FBXL17: variants seen among roughly 807,000 people sequenced by gnomAD.
FBXL17 encodes the protein F-box/LRR-repeat protein 17.
Under a neutral mutation model 66.2 loss-of-function variants are expected in FBXL17, and 22 were observed. The ratio of observed to expected loss-of-function variants is 0.33; its 90% confidence interval spans 0.24 to 0.47. The LOEUF is 0.47. Among genes scored for constraint, FBXL17 ranks in the 20% least tolerant of loss-of-function variants. The probability of loss-of-function intolerance (pLI) is 1.00; values close to 1 mark genes in which losing one functional copy is unlikely to be tolerated. For missense variants in FBXL17, 878 were observed against 948.2 expected (o/e 0.93, Z 0.97); for synonymous variants, 474 against 400.5 (o/e 1.18, Z -2.19).
intron 4 of FBXL17, among the ~76,000 whole-genome samples, chr5:108,311,838 GAGA>G (rs1363668504): frequency 1.3e-5 from 2 of 152,202 alleles, no homozygotes; most frequent in African/African-American, 2.4e-5. Flanking sequence ...ACCAATGAAA[GAGA>G]AGAAGAGAGA....
intron 4 of FBXL17, among the ~76,000 whole-genome samples, chr5:108,233,795 CAAGATCCT>C (rs1437883443): frequency 6.6e-6 from 1 of 152,162 alleles, no homozygotes; most frequent in Non-Finnish European, 1.5e-5. Flanking sequence ...CAACACACAT[CAAGATCCT>C]AGTAAAGCTT....
At chr5:108,284,010 T>C (rs776841523) in intron 4 of FBXL17, among the ~76,000 whole-genome samples, 2 of 151,734 alleles carry the variant, frequency 1.3e-5, no homozygotes, top group Admixed American at 6.6e-5. Flanking sequence ...CCAGGCAAAA[T>C]AGTTATTATC....
chr5:108,272,721 G>C (rs979624608), intron 4 of FBXL17, among the ~76,000 whole-genome samples: 1 of 151,924 alleles, frequency 6.6e-6, no homozygotes. Flanking sequence ...ATTTAACTTA[G>C]GATAAAATCA....
chr5:107,882,644 G>T (rs1748831592), intron 7 of FBXL17, among the ~76,000 whole-genome samples: 3 of 152,116 alleles, frequency 2.0e-5, no homozygotes, highest in African/African-American at 7.2e-5. Flanking sequence ...TTGTATAGAA[G>T]GAGCAACATC....
intron 5 of FBXL17, among the ~76,000 whole-genome samples, chr5:108,201,297 C>T (rs923070943): frequency 6.6e-6 from 1 of 152,096 alleles, no homozygotes; most frequent in Non-Finnish European, 1.5e-5. Flanking sequence ...TGATTAACAA[C>T]TGGCGCAGTG....
chr5:108,251,303 T>C (rs2150113472), intron 4 of FBXL17, among the ~76,000 whole-genome samples: 1 of 152,202 alleles, frequency 6.6e-6, no homozygotes, highest in Middle Eastern at 3.4e-3. Flanking sequence ...AATGAGGTTT[T>C]TGCTTGGAGT....
Position 108,381,230 on chromosome 5 carries a change from C to T in FBXL17, c.462G>A (p.Gln154=). The change falls in exon 1 of 9, where the codon CAG becomes CAA. Residue 154 remains glutamine (Q), a synonymous_variant. Coordinates refer to ENST00000542267, the MANE Select transcript of FBXL17 (RefSeq NM_001163315.3). ...TGGCCAGGAAGAGACTTCGGCCCTG[C>T]TGCTCCCAGGCGGCGGCCGCAGCCA... ...LGLAAAAAWE[Q]QGRSLFLASL... 2.1e-6 allele frequency: 3 copies of T among 1,446,486 alleles called. No individual in the cohort carries two copies. The highest frequency in any genetic ancestry group is 5.0e-5 in the Admixed American group (2 of 39,654). The allele number at this position is 1,446,486 out of a possible 1,614,324, so 89.6% of individuals were successfully genotyped here.
At chr5:108,026,739 G>A (rs748053119) in intron 6 of FBXL17, among the ~76,000 whole-genome samples, 4 of 152,184 alleles carry the variant, frequency 2.6e-5, no homozygotes, top group Non-Finnish European at 4.4e-5. Flanking sequence ...GTGTGGCTGA[G>A]ATTAATTTAA....
At chr5:108,072,139 C>T (rs543824572) in intron 6 of FBXL17, among the ~76,000 whole-genome samples, 75 of 152,204 alleles carry the variant, frequency 4.9e-4, no homozygotes, top group Non-Finnish European at 8.1e-4. Flanking sequence ...CTGATCTTTG[C>T]TCTTATGTTT....
intron 6 of FBXL17, among the ~76,000 whole-genome samples, chr5:108,112,547 G>T (rs925745322): frequency 6.6e-6 from 1 of 152,134 alleles, no homozygotes; most frequent in African/African-American, 2.4e-5. Flanking sequence ...TATTCACAAC[G>T]TTGGTCATCT....
chr5:108,252,640 T>C (rs747467149), intron 4 of FBXL17, among the ~76,000 whole-genome samples: 3 of 152,242 alleles, frequency 2.0e-5, no homozygotes, highest in South Asian at 2.1e-4. Flanking sequence ...AGGAACCTAA[T>C]ACCATTTAAA....
At chr5:108,201,462 A>G (rs1175962657) in intron 5 of FBXL17, among the ~76,000 whole-genome samples, 1 of 152,124 alleles carries the variant, frequency 6.6e-6, no homozygotes, top group Non-Finnish European at 1.5e-5. Context: ...TAAAAATAAA[A>G]TACAGTTAAG....
intron 7 of FBXL17, among the ~76,000 whole-genome samples, chr5:107,950,817 C>A (rs1751476373): frequency 1.3e-5 from 2 of 152,304 alleles, no homozygotes; most frequent in South Asian, 2.1e-4. Flanking sequence ...TTAAGAATCA[C>A]ATGATGGACG....
At chr5:108,271,703 T>C (rs1449754081) in intron 4 of FBXL17, among the ~76,000 whole-genome samples, 1 of 152,218 alleles carries the variant, frequency 6.6e-6, no homozygotes, top group Non-Finnish European at 1.5e-5. Flanking sequence ...GATTTCTCTA[T>C]GTATCTATTT....
chr5:108,290,730 T>C (rs1030294751), intron 4 of FBXL17, among the ~76,000 whole-genome samples: 4 of 152,178 alleles, frequency 2.6e-5, no homozygotes, highest in Non-Finnish European at 5.9e-5. Flanking sequence ...CAAAGTTGTA[T>C]AATTTTTTTC....
chr5:108,285,444 A>T (rs2150155140), intron 4 of FBXL17, among the ~76,000 whole-genome samples: 1 of 151,972 alleles, frequency 6.6e-6, no homozygotes, highest in Middle Eastern at 3.4e-3. Context: ...ATTTATTCTT[A>T]AACAATAAGA....
intron 1 of FBXL17, among the ~76,000 whole-genome samples, chr5:108,378,221 A>G (rs28497144): frequency 0.52 from 78,439 of 150,298 alleles, 20,799 homozygotes; most frequent in African/African-American, 0.62. Context: ...CTCCTCTGCC[A>G]TAAAAAAAAA....
At chr5:108,085,198 T>A (rs1748922213) in intron 6 of FBXL17, among the ~76,000 whole-genome samples, 1 of 152,236 alleles carries the variant, frequency 6.6e-6, no homozygotes, top group South Asian at 2.1e-4. Context: ...GTTTATAAGT[T>A]TAATTTTAAC....
intron 4 of FBXL17, among the ~76,000 whole-genome samples, chr5:108,325,893 T>C (rs1221337773): frequency 6.6e-6 from 1 of 152,130 alleles, no homozygotes. Flanking sequence ...TAGCTAACAT[T>C]TTCTAGCCTA....
Sources: allele counts gnomAD v4.1 joint callset (sites outside exome capture counted in the v4.1 genomes callset), GRCh38; gene constraint gnomAD v4.1.1; transcripts MANE v1.5; gene names NCBI Gene and HGNC (gene_info 2026-07-23, HGNC 2026-07-21).